Variants in ZDHHC15 observed in about 807,000 individuals in gnomAD.
ZDHHC15 encodes the protein zDHHC palmitoyltransferase 15, also known as palmitoyltransferase ZDHHC15.
A neutral mutation model predicts 31.7 loss-of-function variants in ZDHHC15; 19 were observed. The ratio of observed to expected loss-of-function variants is 0.60; its 90% CI spans 0.42 to 0.88. The LOEUF is 0.88. Ranked by LOEUF, ZDHHC15 falls within the 40% of genes least tolerant of loss-of-function variation. The pLI is 0.00. For missense variants in ZDHHC15, 209 were observed against 251.2 expected, an observed-to-expected ratio of 0.83 and a Z score of 1.14; for synonymous variants, 103 against 90.0, an observed-to-expected ratio of 1.14 and a Z score of -0.82.
At chrX:75,382,601 G>A (rs777228249) in intron 10 of ZDHHC15, among the ~76,000 whole-genome samples, 6 of 112,253 alleles carry the variant, frequency 5.3e-5, no homozygotes, top group African/African-American at 1.9e-4. Context: ...TGTGTTAAGA[G>A]GGAACAAGTA....
At chrX:75,522,187 AAAATGATT>A (rs2085452414) in intron 1 of ZDHHC15, among the ~76,000 whole-genome samples, 1 of 111,649 alleles carries the variant, frequency 9.0e-6, no homozygotes, top group Non-Finnish European at 1.9e-5. Context: ...CCCATTAAAG[AAAATGATT>A]AAATGGGGGG....
intron 5 of ZDHHC15, among the ~76,000 whole-genome samples, chrX:75,430,214 C>T (rs973609037): frequency 9.0e-6 from 1 of 111,523 alleles, no homozygotes; most frequent in African/African-American, 3.3e-5. Context: ...ATAAGTCCAA[C>T]CTTTCAAAGG....
intron 10 of ZDHHC15, among the ~76,000 whole-genome samples, chrX:75,404,133 T>A (rs891681964): frequency 2.7e-5 from 3 of 111,645 alleles, no homozygotes; most frequent in African/African-American, 9.8e-5. Flanking sequence ...GGGAAAAGAC[T>A]CCCTATTCAA....
At chrX:75,488,482 C>T (rs762379671) in intron 2 of ZDHHC15, among the ~76,000 whole-genome samples, 1 of 112,247 alleles carries the variant, frequency 8.9e-6, no homozygotes, top group Admixed American at 9.4e-5. Flanking sequence ...AGAGAATTTG[C>T]CATTACCAAG....
chrX:75,419,891 T>G (rs1256577425), intron 9 of ZDHHC15, among the ~76,000 whole-genome samples: 1 of 88,732 alleles, frequency 1.1e-5, no homozygotes, highest in African/African-American at 4.4e-5. Context: ...TAGGCGGGAA[T>G]TGAACAATGA....
chrX:75,460,323 A>T (rs1210272384), intron 3 of ZDHHC15, among the ~76,000 whole-genome samples: 1 of 110,641 alleles, frequency 9.0e-6, no homozygotes, highest in Non-Finnish European at 1.9e-5. Context: ...GGTGGCTGTT[A>T]TCTCTGTGGT....
intron 10 of ZDHHC15, among the ~76,000 whole-genome samples, chrX:75,383,428 TC>T (rs2083138375): frequency 9.0e-6 from 1 of 111,502 alleles, no homozygotes; most frequent in Admixed American, 9.6e-5. Flanking sequence ...TTTCTTCATG[TC>T]CTCTTCACTT....
At chrX:75,454,773 AT>A in intron 3 of ZDHHC15, among the ~76,000 whole-genome samples, 1 of 111,490 alleles carries the variant, frequency 9.0e-6, no homozygotes, top group East Asian at 2.8e-4. Flanking sequence ...ATAATAAAAA[AT>A]AAAAATGAAA....
chrX:75,404,073 C>A (rs1223173455), intron 10 of ZDHHC15, among the ~76,000 whole-genome samples: 2 of 111,490 alleles, frequency 1.8e-5, no homozygotes. Flanking sequence ...AATAAGGCTG[C>A]ACATCTATGA....
At chrX:75,422,909 C>G (rs958769040) in intron 8 of ZDHHC15, among the ~76,000 whole-genome samples, 1 of 106,299 alleles carries the variant, frequency 9.4e-6, no homozygotes, top group Non-Finnish European at 1.9e-5. Flanking sequence ...CACCCACTAA[C>G]TTGTCATCTA....
chrX:75,428,431 C>T (rs1602608199), intron 7 of ZDHHC15, among the ~76,000 whole-genome samples: 1 of 111,436 alleles, frequency 9.0e-6, no homozygotes, highest in Non-Finnish European at 1.9e-5. Context: ...TTATTAGACT[C>T]ACATTTTTAA....
intron 10 of ZDHHC15, among the ~76,000 whole-genome samples, chrX:75,408,170 A>C (rs2083441887): frequency 9.2e-6 from 1 of 109,070 alleles, no homozygotes; most frequent in Admixed American, 9.9e-5. Context: ...GACCCTGCCA[A>C]ATCCCCCTCT....
intron 9 of ZDHHC15, among the ~76,000 whole-genome samples, chrX:75,418,616 A>C (rs1307843145): frequency 8.9e-6 from 1 of 112,083 alleles, no homozygotes; most frequent in African/African-American, 3.2e-5. Flanking sequence ...ATGAAGACAG[A>C]TATATAGGCC....
chrX:75,498,497 G>A (rs1043154670), intron 2 of ZDHHC15, among the ~76,000 whole-genome samples: 13 of 111,362 alleles, frequency 1.2e-4, no homozygotes, highest in Middle Eastern at 4.6e-3. Flanking sequence ...CACCAACAAC[G>A]CCCAAGCTGA....
chrX:75,460,975 G>C (rs1357648546), intron 3 of ZDHHC15, among the ~76,000 whole-genome samples: 1 of 111,618 alleles, frequency 9.0e-6, no homozygotes, highest in Non-Finnish European at 1.9e-5. Flanking sequence ...CAGAAGGTGG[G>C]TAATAACAAA....
intron 2 of ZDHHC15, among the ~76,000 whole-genome samples, chrX:75,485,394 C>A (rs914667966): frequency 7.2e-5 from 8 of 111,145 alleles, no homozygotes; most frequent in Non-Finnish European, 1.1e-4. Flanking sequence ...GACTTACAGG[C>A]TATAGGATTG....
chrX:75,504,219 C>T (rs2085126167), intron 2 of ZDHHC15, among the ~76,000 whole-genome samples: 1 of 111,313 alleles, frequency 9.0e-6, no homozygotes, highest in Non-Finnish European at 1.9e-5. Flanking sequence ...AAAACTTTTG[C>T]AGTATGTTTG....
At chrX:75,388,253 C>T (rs2083201025) in intron 10 of ZDHHC15, among the ~76,000 whole-genome samples, 1 of 112,194 alleles carries the variant, frequency 8.9e-6, no homozygotes, top group African/African-American at 3.2e-5. Flanking sequence ...AATCCACTGG[C>T]AAAATTAAGT....
At chrX:75,456,677 G>A (rs1602658194) in intron 3 of ZDHHC15, among the ~76,000 whole-genome samples, 1 of 110,835 alleles carries the variant, frequency 9.0e-6, no homozygotes, top group East Asian at 2.9e-4. Flanking sequence ...AATATCATTT[G>A]ACCCAGCAAT....
Sources: gnomAD v4.1 joint callset for allele counts (sites outside exome capture counted in the v4.1 genomes callset) on GRCh38, gnomAD v4.1.1 for gene constraint, MANE v1.5 for transcripts, NCBI Gene and HGNC (gene_info 2026-07-23, HGNC 2026-07-21) for gene names.